Variants in UTP18 observed in about 807,000 individuals in gnomAD.
The protein encoded by UTP18 is U3 small nucleolar RNA-associated protein 18 homolog.
UTP18 carries 36 observed loss-of-function variants against 61.1 expected under a neutral mutation model. The observed-to-expected ratio is 0.59, with a 90% confidence interval of 0.45 to 0.78. UTP18 has a LOEUF of 0.78. UTP18 is among the 30% of genes least tolerant of loss of function. The pLI is 0.00. For synonymous variants in UTP18, 282 were observed against 251.1 expected (o/e 1.12, Z -1.16); for missense variants, 753 against 693.9 (o/e 1.09, Z -0.96).
intron 11 of UTP18, among the ~76,000 whole-genome samples, chr17:51,291,814 G>A (rs1464635883): frequency 6.6e-6 from 1 of 152,030 alleles, no homozygotes; most frequent in African/African-American, 2.4e-5. Flanking sequence ...TGATGAGGAA[G>A]AGTCAGAAAA....
intron 4 of UTP18, among the ~76,000 whole-genome samples, chr17:51,270,214 A>G (rs2144403176): frequency 6.6e-6 from 1 of 152,272 alleles, no homozygotes; most frequent in African/African-American, 2.4e-5. Context: ...TCCTATTTTG[A>G]AATGTATGTC....
Position 51,266,255 on chromosome 17 carries a change from A to T in UTP18, c.529A>T (p.Asn177Tyr), listed in dbSNP as rs1598474252. The T allele has an allele frequency of 6.2e-7, 1 of 1,601,364 alleles. No individual in the cohort carries two copies. The highest frequency in any genetic ancestry group is 2.3e-5 in the East Asian group (1 of 44,030). Reference protein sequence around the residue: ...NASESKLSKDNLKKRLKEEFQ... With the variant: ...NASESKLSKDYLKKRLKEEFQ... ...TAGTGAAAGTAAACTTTCGAAAGAC[A>T]ACCTTAAAAAGAGACTTAAAGAAGA... The change falls in exon 3 of 14, where the codon AAC becomes TAC. Residue 177 changes from asparagine to tyrosine, a missense_variant. By Grantham distance (143) the Asn-to-Tyr change is moderately radical. Coordinates refer to ENST00000225298, the MANE Select transcript of UTP18 (RefSeq NM_016001.3).
intron 12 of UTP18, 199 bp from the exon 13 acceptor site, chr17:51,296,766 C>T (rs978965959): frequency 9.7e-6 from 5 of 514,732 alleles, no homozygotes; most frequent in Non-Finnish European, 1.7e-5. Context: ...AGTAAGCCTA[C>T]TCATGTTACC....
chr17:51,261,471 G>A (rs1208730920), intron 1 of UTP18, among the ~76,000 whole-genome samples: 1 of 152,198 alleles, frequency 6.6e-6, no homozygotes, highest in African/African-American at 2.4e-5. Flanking sequence ...AACCCTGCGT[G>A]ATTGATCATA....
intron 9 of UTP18, among the ~76,000 whole-genome samples, chr17:51,283,828 T>G (rs1005162229): frequency 1.3e-5 from 2 of 152,026 alleles, no homozygotes; most frequent in Non-Finnish European, 2.9e-5. Context: ...TTGGCCAGGT[T>G]GGTCTCGAAC....
At chr17:51,291,542 C>T (rs1196976970) in intron 11 of UTP18, among the ~76,000 whole-genome samples, 1 of 152,066 alleles carries the variant, frequency 6.6e-6, no homozygotes, top group Non-Finnish European at 1.5e-5. Flanking sequence ...TGAGACCAGC[C>T]TGGCCAACAT....
rs1186794627 is a variant in UTP18, at chr17:51,266,289, C to CT, written c.554+15dup. 1.3e-6 allele frequency: 2 copies of CT among 1,571,508 alleles called. No homozygotes were observed. Among genetic ancestry groups the CT allele is most frequent in the Admixed American group, 2.0e-5 (1 of 50,942 alleles). On this transcript the variant is annotated intron_variant, in intron 3 of 13. Coordinates refer to ENST00000225298, the MANE Select transcript of UTP18 (RefSeq NM_016001.3). ...AAGAGACTTAAAGAAGAGTAAGTGT[C>CT]TTTTTTCATATGATTTACCAAGAGG...
At chr17:51,277,992 A>G (rs1461321572) in intron 7 of UTP18, among the ~76,000 whole-genome samples, 4 of 152,254 alleles carry the variant, frequency 2.6e-5, no homozygotes, top group Non-Finnish European at 4.4e-5. Flanking sequence ...TGCTCTCCCT[A>G]TTAAACTGTA....
chr17:51,281,760 C>T (rs981400980), intron 9 of UTP18, among the ~76,000 whole-genome samples: 1 of 152,102 alleles, frequency 6.6e-6, no homozygotes, highest in African/African-American at 2.4e-5. Context: ...ACTGTGTTTT[C>T]TGTATTATTC....
At position 51,292,143 on chromosome 17, in the gene UTP18, A is replaced by G. The variant is rs369297289; in HGVS notation, c.1504-1760A>G. Reference sequence around the variant, plus strand: ...AATGTAAATAAATTTTGCAATATCCATGTTGTGGCTTCTCTCTGTAAAACA... The same window carrying G: ...AATGTAAATAAATTTTGCAATATCCGTGTTGTGGCTTCTCTCTGTAAAACA... On this transcript the variant is annotated intron_variant, in intron 11 of 13. Transcript: ENST00000225298. Among the ~76,000 whole-genome samples the G allele has an allele frequency of 8.9e-4, 135 of 152,322 alleles. 1 individual carries two copies. The highest frequency in any genetic ancestry group is 3.4e-3 in the Middle Eastern group (1 of 294).
intron 11 of UTP18, among the ~76,000 whole-genome samples, chr17:51,289,991 G>C (rs1905204092): frequency 6.6e-6 from 1 of 152,152 alleles, no homozygotes; most frequent in South Asian, 2.1e-4. Flanking sequence ...CAGAGCCCTA[G>C]ATTCTGCACA....
At chr17:51,285,124 G>T (rs1597851746) in intron 9 of UTP18, 121 bp from the exon 10 acceptor site, 2 of 1,021,044 alleles carry the variant, frequency 2.0e-6, no homozygotes, top group East Asian at 5.0e-5. Flanking sequence ...AACTAGGAGG[G>T]TTATAATAGG....
Position 51,277,379 on chromosome 17 carries a change from T to G in UTP18, c.1012+75T>G, listed in dbSNP as rs1323918856. On this transcript the variant is annotated intron_variant, in intron 7 of 13. Transcript: ENST00000225298. ...TTTATGTAACAGTGTTTACAACACT[T>G]TTTTCACTCCATAGGATTCTTAAAA... The G allele has an allele frequency of 2.0e-6, 3 of 1,479,176 alleles. No homozygotes were observed. In the African/African-American group the frequency reaches 4.2e-5, roughly 21 times the overall value. 91.6% of individuals were successfully genotyped at this position (1,479,176 alleles called of 1,614,324 possible).
At chr17:51,297,115 G>T in intron 13 of UTP18, 112 bp downstream of exon 13, 1 of 903,190 alleles carries the variant, frequency 1.1e-6, no homozygotes, top group South Asian at 1.7e-5. Context: ...CTAAGTTACT[G>T]CATCTTTATT....
At chr17:51,274,464 CAG>C (rs1487485453) in intron 5 of UTP18, among the ~76,000 whole-genome samples, 1 of 152,042 alleles carries the variant, frequency 6.6e-6, no homozygotes, top group Non-Finnish European at 1.5e-5. Flanking sequence ...TTTTTTGAGA[CAG>C]AGTTTTGCTC....
intron 9 of UTP18, among the ~76,000 whole-genome samples, chr17:51,281,222 A>G (rs1337029617): frequency 1.3e-5 from 2 of 150,776 alleles, no homozygotes; most frequent in Admixed American, 6.6e-5. Context: ...CTAGAAAATC[A>G]GATCTATTTT....
chr17:51,273,739 T>TAATTAATAAATA (rs1555554828), intron 5 of UTP18, among the ~76,000 whole-genome samples: 13 of 141,082 alleles, frequency 9.2e-5, no homozygotes, highest in African/African-American at 3.4e-4. Flanking sequence ...GTCTCTAAAA[T>TAATTAATAAATA]AATAAATAAA....
intron 11 of UTP18, among the ~76,000 whole-genome samples, chr17:51,293,663 A>G (rs1184906950): frequency 6.6e-6 from 1 of 152,140 alleles, no homozygotes; most frequent in Non-Finnish European, 1.5e-5. Context: ...AGACTTCACC[A>G]CTGTGCAAGA....
At chr17:51,278,021 G>A (rs926708716) in intron 7 of UTP18, among the ~76,000 whole-genome samples, 1 of 152,192 alleles carries the variant, frequency 6.6e-6, no homozygotes, top group East Asian at 1.9e-4. Context: ...TGGCTGGAAA[G>A]GACAAGAGTA....
Sources: gnomAD v4.1 joint callset for allele counts (sites outside exome capture counted in the v4.1 genomes callset) on GRCh38, gnomAD v4.1.1 for gene constraint, MANE v1.5 for transcripts, NCBI Gene and HGNC (gene_info 2026-07-23, HGNC 2026-07-21) for gene names.